The following VCL variants were observed in gnomAD, a reference collection of about 807,000 sequenced individuals.
VCL encodes the protein epididymis luminal protein 114.
Under a neutral mutation model 125.7 loss-of-function variants are expected in VCL, and 47 were observed. That is an observed-to-expected ratio of 0.37 (90% CI 0.30 to 0.48). The LOEUF is 0.48. VCL is among the 20% of genes least tolerant of loss of function. The pLI is 0.99. For missense variants in VCL, 1,069 were observed against 1,455.5 expected (o/e 0.73, Z 4.32); for synonymous variants, 458 against 514.6 (o/e 0.89, Z 1.49).
chr10:74,085,317 T>A (rs1449748034), intron 8 of VCL, among the ~76,000 whole-genome samples: 5 of 152,204 alleles, frequency 3.3e-5, no homozygotes, highest in African/African-American at 1.2e-4. Flanking sequence ...GGGGCAGTGG[T>A]GAAGTCTGGC....
chr10:74,113,560 G>T (rs1840263837), intron 19 of VCL, among the ~76,000 whole-genome samples: 1 of 149,440 alleles, frequency 6.7e-6, no homozygotes. Flanking sequence ...AGCCAGAGCA[G>T]GCTAGATCAG....
intron 1 of VCL, among the ~76,000 whole-genome samples, chr10:74,036,368 A>G (rs757225481): frequency 6.6e-6 from 1 of 151,882 alleles, no homozygotes; most frequent in African/African-American, 2.4e-5. Flanking sequence ...ACGCCCGGCC[A>G]ATTTTTATAT....
At chr10:74,061,326 TA>T (rs1333726194) in intron 2 of VCL, among the ~76,000 whole-genome samples, 1 of 152,106 alleles carries the variant, frequency 6.6e-6, no homozygotes, top group Non-Finnish European at 1.5e-5. Flanking sequence ...TCTTATTGTA[TA>T]AAAAAATGGT....
intron 20 of VCL, 56 bp downstream of exon 20, chr10:74,114,443 G>T: frequency 6.4e-7 from 1 of 1,562,816 alleles, no homozygotes; most frequent in South Asian, 1.1e-5. Context: ...GTGTGCGTGT[G>T]TGTGTGTGTT....
rs180748176 is a variant in VCL, at chr10:74,029,150, A to G, written c.169-13933A>G. Among the ~76,000 whole-genome samples the G allele has an allele frequency of 5.7e-4, 83 of 145,512 alleles. No homozygotes were observed. The Middle Eastern group carries it at 0.02, about 34-fold the overall frequency. The stretch of plus-strand genomic sequence containing the variant: ...TTTTTTTGAGATGGAGTCTCGCTCT[A>G]TCACCCAGGCTGGAGTGCAGTGGCG... On this transcript the variant is annotated intron_variant, in intron 1 of 21. Coordinates refer to ENST00000211998, the MANE Select transcript of VCL (RefSeq NM_014000.3).
intron 2 of VCL, among the ~76,000 whole-genome samples, chr10:74,063,474 C>T (rs1240951776): frequency 6.6e-6 from 1 of 152,178 alleles, no homozygotes; most frequent in Non-Finnish European, 1.5e-5. Flanking sequence ...GCCTGCTTTC[C>T]TTGGCTTGTA....
chr10:74,014,127 A>G (rs533656064), intron 1 of VCL, among the ~76,000 whole-genome samples: 2 of 152,354 alleles, frequency 1.3e-5, no homozygotes, highest in Non-Finnish European at 2.9e-5. Context: ...AGCAATAGTG[A>G]GGGAAAAAGT....
chr10:74,086,016 C>T (rs530620309), intron 8 of VCL, among the ~76,000 whole-genome samples: 17 of 152,130 alleles, frequency 1.1e-4, no homozygotes, highest in Admixed American at 5.2e-4. Context: ...TACAGGCATG[C>T]GCCACCATGC....
At chr10:74,067,920 T>C (rs180742997) in intron 2 of VCL, among the ~76,000 whole-genome samples, 16 of 152,340 alleles carry the variant, frequency 1.1e-4, no homozygotes, top group African/African-American at 3.8e-4. Context: ...AGGCAGTGGT[T>C]GCACAACACT....
intron 2 of VCL, among the ~76,000 whole-genome samples, chr10:74,066,693 A>C (rs2136270124): frequency 6.9e-6 from 1 of 144,410 alleles, no homozygotes; most frequent in South Asian, 2.2e-4. Context: ...TTTTTTTGAG[A>C]CTAAATCTCA....
chr10:74,066,639 G>C (rs943298231), intron 2 of VCL, among the ~76,000 whole-genome samples: 3 of 151,598 alleles, frequency 2.0e-5, no homozygotes, highest in African/African-American at 7.3e-5. Context: ...GTTAAGGTGG[G>C]GTTCTAAAGT....
At chr10:74,078,531 G>C (rs1302345012) in intron 6 of VCL, among the ~76,000 whole-genome samples, 1 of 152,138 alleles carries the variant, frequency 6.6e-6, no homozygotes, top group East Asian at 1.9e-4. Flanking sequence ...AGTTAATTCA[G>C]GCATTTATGA....
intron 1 of VCL, among the ~76,000 whole-genome samples, chr10:74,028,398 T>TC (rs1377311972): frequency 2.0e-5 from 3 of 149,792 alleles, no homozygotes; most frequent in African/African-American, 7.4e-5. Flanking sequence ...GTAATCTTTT[T>TC]TTTTTTTTTT....
At chr10:74,044,027 C>T (rs573398534) in intron 2 of VCL, among the ~76,000 whole-genome samples, 28 of 151,914 alleles carry the variant, frequency 1.8e-4, no homozygotes, top group African/African-American at 6.3e-4. Flanking sequence ...AGGAGAATGG[C>T]GTGAACTCAG....
downstream of VCL, chr10:74,120,839 T>G (rs1394685893): frequency 1.3e-5 from 2 of 152,104 alleles, no homozygotes; most frequent in Non-Finnish European, 2.9e-5. Context: ...TTTTTCATAT[T>G]CCAAAGCCCA....
At chr10:74,073,888 C>G (rs1047202538) in intron 5 of VCL, among the ~76,000 whole-genome samples, 5 of 152,154 alleles carry the variant, frequency 3.3e-5, no homozygotes, top group African/African-American at 1.2e-4. Context: ...TTCCAGCTAC[C>G]TGCTTTGGTG....
chr10:74,060,825 T>A (rs1304115753), intron 2 of VCL, among the ~76,000 whole-genome samples: 2 of 152,070 alleles, frequency 1.3e-5, no homozygotes, highest in Non-Finnish European at 2.9e-5. Flanking sequence ...TCTTACAAAA[T>A]AATTACTCAT....
At chr10:74,003,567 T>C (rs1313462141) in intron 1 of VCL, among the ~76,000 whole-genome samples, 1 of 152,238 alleles carries the variant, frequency 6.6e-6, no homozygotes, top group Non-Finnish European at 1.5e-5. Context: ...TTGTAAGTAC[T>C]CCTTGGGCTC....
intron 6 of VCL, 101 bp downstream of exon 6, chr10:74,075,004 C>A: frequency 1.4e-6 from 2 of 1,417,030 alleles, no homozygotes; most frequent in South Asian, 1.2e-5. Flanking sequence ...ATTTTTGTAG[C>A]ATAAGAGTAC....
Sources: allele counts gnomAD v4.1 joint callset (sites outside exome capture counted in the v4.1 genomes callset), GRCh38; gene constraint gnomAD v4.1.1; transcripts MANE v1.5; gene names NCBI Gene and HGNC (gene_info 2026-07-23, HGNC 2026-07-21).